The following GJA1 variants were observed in gnomAD, a reference collection of about 807,000 sequenced individuals.
The protein encoded by GJA1 is gap junction alpha-1 protein.
A neutral mutation model predicts 31.0 loss-of-function variants in GJA1; 9 were observed. The observed-to-expected ratio is 0.29, with a 90% CI of 0.17 to 0.51. The LOEUF is 0.51. GJA1 is among the 20% of genes least tolerant of loss of function. The pLI is 0.98. For missense variants in GJA1, 278 were observed against 468.8 expected (o/e 0.59, Z 3.76); for synonymous variants, 186 against 180.1 (o/e 1.03, Z -0.26).
At chr6:121,440,274 G>A (rs577766096) in intron 1 of GJA1, among the ~76,000 whole-genome samples, 66 of 152,000 alleles carry the variant, frequency 4.3e-4, no homozygotes, top group African/African-American at 1.6e-3. Context: ...GAATGTACAA[G>A]CATGATACCT....
chr6:121,447,715 A>G lies in GJA1; in HGVS notation c.868A>G (p.Thr290Ala), dbSNP rs562513101. Residue 290 changes from threonine (T) to alanine (A), a missense_variant, in exon 2 of 2, where the codon ACT (threonine) becomes GCT (alanine). By Grantham distance (58) the Thr-to-Ala change is moderately conservative (BLOSUM62 0). Coordinates refer to ENST00000282561, the MANE Select transcript of GJA1 (RefSeq NM_000165.5). ...PMSPPGYKLV[T>A]GDRNNSSCRN... ...GTCTCCTCCTGGGTACAAGCTGGTT[A>G]CTGGCGACAGAAACAATTCTTCTTG... 30 of 1,613,948 alleles carry G rather than the reference A, an allele frequency of 1.9e-5. No individual in the cohort carries two copies. The highest frequency in any genetic ancestry group is 2.5e-5 in the Non-Finnish European group (30 of 1,180,026).
rs377077470 is a variant in GJA1 at position 121,447,355 on chromosome 6, T to G, written c.508T>G (p.Leu170Val). Residue 170 changes from leucine (L) to valine (V), a missense_variant, in exon 2 of 2, where the codon TTG (leucine) becomes GTG (valine). Leu to Val is a conservative substitution (Grantham distance 32, BLOSUM62 1). Coordinates refer to ENST00000282561, the MANE Select transcript of GJA1 (RefSeq NM_000165.5). The part of the protein sequence containing the change: ...LFKSIFEVAF[L>V]LIQWYIYGFS... ...CAAGTCTATCTTTGAGGTGGCCTTC[T>G]TGCTGATCCAGTGGTACATCTATGG... 8.7e-5 allele frequency: 141 copies of G among 1,614,020 alleles called. No individual in the cohort carries two copies. The highest frequency in any genetic ancestry group is 1.2e-4 in the Non-Finnish European group (136 of 1,180,012).
At chr6:121,437,125 C>A (rs1013578818) in intron 1 of GJA1, among the ~76,000 whole-genome samples, 3 of 152,218 alleles carry the variant, frequency 2.0e-5, no homozygotes, top group Admixed American at 1.3e-4. Flanking sequence ...TTAGCGTCTG[C>A]CGGGATCCTT....
chr6:121,443,777 A>G (rs1389785144), intron 1 of GJA1, among the ~76,000 whole-genome samples: 3 of 152,218 alleles, frequency 2.0e-5, no homozygotes, highest in African/African-American at 7.2e-5. Context: ...ATTTCTAGAT[A>G]TGATAGGTTT....
chr6:121,437,494 G>A (rs1430233781), intron 1 of GJA1, among the ~76,000 whole-genome samples: 1 of 152,006 alleles, frequency 6.6e-6, no homozygotes, highest in Admixed American at 6.6e-5. Flanking sequence ...AACTTCCCGA[G>A]AATGAGGCGG....
chr6:121,444,868 TACTC>T (rs1305883313), intron 1 of GJA1, among the ~76,000 whole-genome samples: 1 of 152,242 alleles, frequency 6.6e-6, no homozygotes, highest in Non-Finnish European at 1.5e-5. Flanking sequence ...CACATCATGT[TACTC>T]ACTTCTTCCC....
chr6:121,436,447 A>G (rs1326274074), intron 1 of GJA1, among the ~76,000 whole-genome samples: 1 of 152,220 alleles, frequency 6.6e-6, no homozygotes, highest in Non-Finnish European at 1.5e-5. Flanking sequence ...ACAAAAAGGT[A>G]TAAAATTCAA....
In GJA1 at chr6:121,447,662, C is replaced by T; in HGVS notation, c.815C>T (p.Ser272Phe). The T allele has an allele frequency of 1.2e-6, 2 of 1,613,976 alleles. No homozygotes were observed. Among genetic ancestry groups the T allele is most frequent in the Non-Finnish European group, 1.7e-6 (2 of 1,179,918 alleles). Residue 272 changes from serine to phenylalanine, a missense_variant, in exon 2 of 2, where the codon TCC becomes TTC. Ser to Phe is a radical substitution (Grantham distance 155). Transcript: ENST00000282561. Reference protein sequence around the residue: ...SQKYAYFNGCSSPTAPLSPMS... With the variant: ...SQKYAYFNGCFSPTAPLSPMS... ...AAATATGCTTATTTCAATGGCTGCT[C>T]CTCACCAACCGCTCCCCTCTCGCCT...
intron 1 of GJA1, among the ~76,000 whole-genome samples, chr6:121,436,188 G>GGGGA (rs1773660054): frequency 7.9e-6 from 1 of 126,738 alleles, no homozygotes; most frequent in Non-Finnish European, 1.6e-5. Flanking sequence ...GTTGGGTGGG[G>GGGGA]GGGGGGCGGT....
chr6:121,444,597 A>C (rs955645441), intron 1 of GJA1, among the ~76,000 whole-genome samples: 1 of 152,202 alleles, frequency 6.6e-6, no homozygotes, highest in African/African-American at 2.4e-5. Flanking sequence ...CCTGGATTTC[A>C]TTTACTTCCT....
intron 1 of GJA1, among the ~76,000 whole-genome samples, chr6:121,444,818 T>C (rs1773858657): frequency 6.6e-6 from 1 of 152,226 alleles, no homozygotes; most frequent in South Asian, 2.1e-4. Context: ...CTCCAATTAC[T>C]ACTATGTGCT....
chr6:121,446,071 G>C (rs1773884653), intron 1 of GJA1, among the ~76,000 whole-genome samples: 1 of 152,184 alleles, frequency 6.6e-6, no homozygotes, highest in Non-Finnish European at 1.5e-5. Flanking sequence ...TGAGGTAGAT[G>C]GATCACCTGA....
chr6:121,437,646 A>C (rs1364366990), intron 1 of GJA1, among the ~76,000 whole-genome samples: 5 of 152,094 alleles, frequency 3.3e-5, no homozygotes, highest in African/African-American at 1.2e-4. Flanking sequence ...TGACCCAGCC[A>C]GCCTTTGCTG....
intron 1 of GJA1, among the ~76,000 whole-genome samples, chr6:121,437,559 G>A (rs1041434850): frequency 3.3e-5 from 5 of 151,960 alleles, no homozygotes; most frequent in Non-Finnish European, 7.4e-5. Context: ...CTGATGACGC[G>A]TCCGGGGCAA....
chr6:121,439,023 C>A (rs1413643733), intron 1 of GJA1, among the ~76,000 whole-genome samples: 1 of 151,950 alleles, frequency 6.6e-6, no homozygotes, highest in Non-Finnish European at 1.5e-5. Context: ...GTCAGCTGGG[C>A]ATGATGGCTC....
At chr6:121,440,765 G>A (rs1336171509) in intron 1 of GJA1, among the ~76,000 whole-genome samples, 1 of 150,156 alleles carries the variant, frequency 6.7e-6, no homozygotes, top group Non-Finnish European at 1.5e-5. Flanking sequence ...TTTTTGAGAC[G>A]GAGTTTCACT....
intron 1 of GJA1, among the ~76,000 whole-genome samples, chr6:121,439,724 A>AG (rs753804760): frequency 3.2e-4 from 49 of 152,272 alleles, no homozygotes; most frequent in Non-Finnish European, 6.5e-4. Flanking sequence ...AGTGATGAGG[A>AG]GGGGTAAGAG....
At position 121,448,054 on chromosome 6, in the gene GJA1, T is replaced by G. The variant is rs976584595; in HGVS notation, c.*58T>G. ...ATTGTGGAGAAGAAAAAAGGTGCTGTAGAAAGTGCACCAGGTGTTAATTTT... is the reference window on the plus strand; with the variant it reads ...ATTGTGGAGAAGAAAAAAGGTGCTGGAGAAAGTGCACCAGGTGTTAATTTT... On this transcript the variant is annotated 3_prime_UTR_variant, in exon 2 of 2. Coordinates refer to ENST00000282561, the MANE Select transcript of GJA1 (RefSeq NM_000165.5). The G allele has an allele frequency of 4.1e-6, 6 of 1,458,162 alleles. No individual in the cohort carries two copies. The highest frequency in any genetic ancestry group is 1.9e-6 in the Non-Finnish European group (2 of 1,038,678). 90.3% of individuals were successfully genotyped at this position (1,458,162 alleles called of 1,614,324 possible).
At chr6:121,437,612 G>A (rs1773692343) in intron 1 of GJA1, among the ~76,000 whole-genome samples, 1 of 152,036 alleles carries the variant, frequency 6.6e-6, no homozygotes, top group Admixed American at 6.5e-5. Flanking sequence ...TCGTAGCAGC[G>A]CTGCGCCCAC....
Sources: gnomAD v4.1 joint callset for allele counts (sites outside exome capture counted in the v4.1 genomes callset) on GRCh38, gnomAD v4.1.1 for gene constraint, MANE v1.5 for transcripts, NCBI Gene and HGNC (gene_info 2026-07-23, HGNC 2026-07-21) for gene names.